SYN3: variants seen among roughly 807,000 people sequenced by gnomAD.
SYN3 encodes the protein synapsin-3.
Under a neutral mutation model 65.8 loss-of-function variants are expected in SYN3, and 35 were observed. The ratio of observed to expected loss-of-function variants is 0.53; its 90% CI spans 0.41 to 0.70. The LOEUF (loss-of-function observed/expected upper bound fraction) is 0.70, where lower values mean the gene tolerates loss of function less well. Ranked by LOEUF, SYN3 falls within the 30% of genes least tolerant of loss-of-function variation. The pLI is 0.00. For synonymous variants in SYN3, 270 were observed against 292.9 expected (o/e 0.92, Z 0.80); for missense variants, 680 against 749.0 (o/e 0.91, Z 1.08).
chr22:32,901,259 G>A (rs968914170), intron 4 of SYN3, among the ~76,000 whole-genome samples: 4 of 152,222 alleles, frequency 2.6e-5, no homozygotes, highest in Non-Finnish European at 1.5e-5. Flanking sequence ...GAGCCAGTGA[G>A]ATCTGAGTTC....
chr22:33,037,699 T>C (rs1289738791), intron 1 of SYN3, among the ~76,000 whole-genome samples: 6 of 152,156 alleles, frequency 3.9e-5, no homozygotes. Flanking sequence ...CTGGTGGGAC[T>C]GCAGAGTCTA....
intron 6 of SYN3, among the ~76,000 whole-genome samples, chr22:32,715,946 G>C (rs1386735842): frequency 6.6e-6 from 1 of 152,208 alleles, no homozygotes; most frequent in South Asian, 2.1e-4. Flanking sequence ...TCAGTGCAGA[G>C]AATGAGCCCA....
intron 6 of SYN3, among the ~76,000 whole-genome samples, chr22:32,832,884 T>G (rs1323676151): frequency 1.3e-5 from 2 of 151,942 alleles, no homozygotes; most frequent in Non-Finnish European, 2.9e-5. Context: ...CGTACTACCA[T>G]TCCCAGCTAA....
At chr22:32,618,101 A>C (rs1391878205) in intron 6 of SYN3, among the ~76,000 whole-genome samples, 2 of 152,070 alleles carry the variant, frequency 1.3e-5, no homozygotes, top group Non-Finnish European at 2.9e-5. Context: ...GTAATAAACC[A>C]CTGTTAAGTG....
chr22:32,622,589 C>T (rs1346843129), intron 6 of SYN3, among the ~76,000 whole-genome samples: 1 of 152,062 alleles, frequency 6.6e-6, no homozygotes, highest in East Asian at 1.9e-4. Flanking sequence ...AATGTGTTTT[C>T]TCACAGCCAC....
rs10554196 is a variant in SYN3 at position 32,509,559 on chromosome 22, GTATTAT to G, written c.*4127_*4132del. ...GTTCATACACAGACCAATGGGGAAA[GTATTAT>G]TATTATTATTATTATTATTTTGAGA... On this transcript the variant is annotated 3_prime_UTR_variant, in exon 14 of 14. Coordinates refer to ENST00000358763, the MANE Select transcript of SYN3 (RefSeq NM_003490.4). Among the ~76,000 whole-genome samples the G allele has an allele frequency of 8.7e-5, 13 of 149,728 alleles. No individual in the cohort carries two copies. The highest frequency in any genetic ancestry group is 2.2e-4 in the African/African-American group (9 of 40,422).
In SYN3 at chr22:32,510,566, C is replaced by T. The variant is rs574843344; in HGVS notation, c.*3126G>A. Among the ~76,000 whole-genome samples the T allele has an allele frequency of 2.0e-5, 3 of 152,234 alleles. No homozygotes were observed. The highest frequency in any genetic ancestry group is 4.4e-5 in the Non-Finnish European group (3 of 68,016). On this transcript the variant is annotated 3_prime_UTR_variant, in exon 14 of 14. Transcript: ENST00000358763. ...CCTGCCCTACAAGTTTTCTCTTACC[C>T]GTTTATTCAGGATGTCACACAGCAT...
At chr22:32,959,754 C>T (rs1569358218) in intron 3 of SYN3, among the ~76,000 whole-genome samples, 1 of 152,076 alleles carries the variant, frequency 6.6e-6, no homozygotes, top group African/African-American at 2.4e-5. Flanking sequence ...GCCACAATGC[C>T]TGGCTAATTT....
intron 7 of SYN3, among the ~76,000 whole-genome samples, chr22:32,581,784 CTTTCTTTCTTTTT>C (rs2058947399): frequency 4.5e-5 from 5 of 109,900 alleles, no homozygotes; most frequent in South Asian, 3.2e-4. Flanking sequence ...TCTTTTCTTT[CTTTCTTTCTTTTT>C]TTTTTTTTTT....
At chr22:32,913,752 G>C (rs55638349) in intron 4 of SYN3, among the ~76,000 whole-genome samples, 1 of 152,182 alleles carries the variant, frequency 6.6e-6, no homozygotes, top group Non-Finnish European at 1.5e-5. Flanking sequence ...ACAATGCGAA[G>C]AGCCGCAAAA....
At chr22:32,645,932 A>G (rs1440875203) in intron 6 of SYN3, among the ~76,000 whole-genome samples, 2 of 152,008 alleles carry the variant, frequency 1.3e-5, no homozygotes, top group Non-Finnish European at 2.9e-5. Flanking sequence ...GCTGTACCCC[A>G]CTTCTGGCAC....
chr22:32,566,360 G>A (rs1299883335), intron 7 of SYN3, among the ~76,000 whole-genome samples: 1 of 152,124 alleles, frequency 6.6e-6, no homozygotes. Context: ...GCAAGATGGA[G>A]GGATCTGTGG....
intron 1 of SYN3, among the ~76,000 whole-genome samples, chr22:33,027,519 C>A (rs1406229163): frequency 6.6e-6 from 1 of 151,942 alleles, no homozygotes; most frequent in Non-Finnish European, 1.5e-5. Flanking sequence ...ATCACTTGAA[C>A]CCAGGAGGTA....
intron 6 of SYN3, among the ~76,000 whole-genome samples, chr22:32,637,698 C>T (rs1191347425): frequency 1.4e-5 from 2 of 142,258 alleles, no homozygotes; most frequent in East Asian, 2.1e-4. Context: ...AGTGCAGTGG[C>T]ACGATGCCAG....
chr22:33,049,236 T>C (rs1394502259), intron 1 of SYN3, among the ~76,000 whole-genome samples: 1 of 152,210 alleles, frequency 6.6e-6, no homozygotes, highest in East Asian at 1.9e-4. Context: ...ATGTTAGCTC[T>C]AGAAAGGAAG....
chr22:32,902,842 TA>T (rs1482104088), intron 4 of SYN3, among the ~76,000 whole-genome samples: 3 of 146,918 alleles, frequency 2.0e-5, no homozygotes, highest in Non-Finnish European at 4.5e-5. Flanking sequence ...TGCAAAACAG[TA>T]TGCTGCATTA....
At chr22:32,825,985 G>C (rs1025507639) in intron 6 of SYN3, among the ~76,000 whole-genome samples, 1 of 152,208 alleles carries the variant, frequency 6.6e-6, no homozygotes, top group African/African-American at 2.4e-5. Context: ...ATAGGGAAAA[G>C]TCTTGAAGGT....
chr22:32,810,417 C>G (rs1012685086), intron 6 of SYN3, among the ~76,000 whole-genome samples: 1 of 151,852 alleles, frequency 6.6e-6, no homozygotes, highest in African/African-American at 2.4e-5. Context: ...CTGCAGCCAC[C>G]TGGCTTTTTG....
At chr22:32,871,804 A>G (rs1165621151) in intron 4 of SYN3, among the ~76,000 whole-genome samples, 2 of 151,740 alleles carry the variant, frequency 1.3e-5, no homozygotes, top group African/African-American at 2.4e-5. Flanking sequence ...ATTATTTTTT[A>G]TTTTTTGTAG....
Sources: allele counts gnomAD v4.1 joint callset (sites outside exome capture counted in the v4.1 genomes callset), GRCh38; gene constraint gnomAD v4.1.1; transcripts MANE v1.5; gene names NCBI Gene and HGNC (gene_info 2026-07-23, HGNC 2026-07-21).